The following SLC7A9 variants were observed in gnomAD, a reference collection of about 807,000 sequenced individuals.
The protein encoded by SLC7A9 is B(0,+)-type amino acid transporter 1.
A neutral mutation model predicts 54.1 loss-of-function variants in SLC7A9; 38 were observed. That is an observed-to-expected ratio of 0.70 (90% confidence interval 0.54 to 0.92). The LOEUF (loss-of-function observed/expected upper bound fraction) is 0.92, where lower values mean the gene tolerates loss of function less well. Ranked by LOEUF, SLC7A9 falls within the 40% of genes least tolerant of loss-of-function variation. The pLI is 0.00. For synonymous variants in SLC7A9, 264 were observed against 258.9 expected (o/e 1.02, Z -0.19); for missense variants, 537 against 636.1 (o/e 0.84, Z 1.68).
chr19:32,856,477 A>G (rs1029573366), intron 9 of SLC7A9, among the ~76,000 whole-genome samples: 2 of 152,238 alleles, frequency 1.3e-5, no homozygotes, highest in African/African-American at 4.8e-5. Flanking sequence ...TACAGGCGTG[A>G]GCCACCATGC....
intron 9 of SLC7A9, among the ~76,000 whole-genome samples, chr19:32,852,508 A>T (rs1968498471): frequency 6.6e-6 from 1 of 152,134 alleles, no homozygotes; most frequent in Admixed American, 6.6e-5. Flanking sequence ...ACGAACAAAA[A>T]CCCTAAATCA....
intron 11 of SLC7A9, among the ~76,000 whole-genome samples, chr19:32,838,097 A>C (rs1968016493): frequency 6.6e-6 from 1 of 152,206 alleles, no homozygotes; most frequent in Admixed American, 6.5e-5. Context: ...ACAGAAGCCA[A>C]GCGGCCCTTC....
chr19:32,865,973 A>AC (rs1213593150), intron 2 of SLC7A9, among the ~76,000 whole-genome samples: 7 of 151,704 alleles, frequency 4.6e-5, no homozygotes, highest in African/African-American at 7.3e-5. Context: ...AAAAAAAAAA[A>AC]AACCTGCACA....
chr19:32,852,561 GTAAAATTAGAAGT>G (rs1968500021), intron 9 of SLC7A9, among the ~76,000 whole-genome samples: 1 of 152,084 alleles, frequency 6.6e-6, no homozygotes, highest in Non-Finnish European at 1.5e-5. Flanking sequence ...TTACAGTGCA[GTAAAATTAGAAGT>G]CAATACAAAT....
intron 12 of SLC7A9, among the ~76,000 whole-genome samples, chr19:32,832,598 AAAAAAAG>A (rs1423741297): frequency 1.3e-5 from 2 of 148,526 alleles, no homozygotes; most frequent in Non-Finnish European, 1.5e-5. Flanking sequence ...AAAAAAAAAA[AAAAAAAG>A]AAAGAAAGAA....
intron 9 of SLC7A9, among the ~76,000 whole-genome samples, chr19:32,844,856 TCAAAAAA>T (rs1968235930): frequency 1.3e-4 from 1 of 7,604 alleles, no homozygotes; most frequent in Non-Finnish European, 1.8e-4. Flanking sequence ...AGAATCCATC[TCAAAAAA>T]AAAAAAAAAA....
At chr19:32,858,378 C>G (rs367809709) in intron 9 of SLC7A9, 62 bp downstream of exon 9, 4 of 1,155,580 alleles carry the variant, frequency 3.5e-6, no homozygotes, top group Non-Finnish European at 5.2e-6. Context: ...GTGTCTTCCT[C>G]GGGGGTGATA....
intron 9 of SLC7A9, among the ~76,000 whole-genome samples, chr19:32,844,197 T>C (rs1968214184): frequency 6.6e-6 from 1 of 152,058 alleles, no homozygotes; most frequent in Admixed American, 6.6e-5. Context: ...TCCCAACACC[T>C]TGGGAGGCCA....
intron 9 of SLC7A9, among the ~76,000 whole-genome samples, chr19:32,847,202 T>C (rs1488585534): frequency 6.6e-6 from 1 of 151,794 alleles, no homozygotes; most frequent in East Asian, 1.9e-4. Context: ...CTTTGACGAG[T>C]TGAGAGAAGA....
At position 32,848,814 on chromosome 19, in the gene SLC7A9, C is replaced by T. The variant is rs550653358; in HGVS notation, c.978-4863G>A. 1.4e-4 allele frequency among the ~76,000 whole-genome samples: 21 copies of T among 152,188 alleles called. No individual in the cohort carries two copies. The South Asian group carries it at 1.9e-3, about 14-fold the overall frequency. On this transcript the variant is annotated intron_variant, in intron 9 of 12. Transcript: ENST00000023064. Reference sequence around the variant, plus strand: ...GCACTCCTCAGCAAATGTAAAAGGACAGAAATTATAACAAACTGTCTCTCA... The same window carrying T: ...GCACTCCTCAGCAAATGTAAAAGGATAGAAATTATAACAAACTGTCTCTCA...
chr19:32,863,248 A>T (rs561277031), intron 4 of SLC7A9, among the ~76,000 whole-genome samples: 4 of 152,008 alleles, frequency 2.6e-5, no homozygotes, highest in Non-Finnish European at 5.9e-5. Flanking sequence ...AGTAGCTGGG[A>T]TTACAGGCAT....
At chr19:32,850,813 TA>T (rs1968445562) in intron 9 of SLC7A9, among the ~76,000 whole-genome samples, 1 of 152,192 alleles carries the variant, frequency 6.6e-6, no homozygotes, top group Non-Finnish European at 1.5e-5. Flanking sequence ...ATGGTACTGG[TA>T]CCAAAACAGA....
At chr19:32,852,836 A>G (rs1191683299) in intron 9 of SLC7A9, among the ~76,000 whole-genome samples, 1 of 152,094 alleles carries the variant, frequency 6.6e-6, no homozygotes, top group Non-Finnish European at 1.5e-5. Flanking sequence ...AGGGAATGCT[A>G]AACAGACAAG....
At chr19:32,846,292 AC>A (rs34229278) in intron 9 of SLC7A9, among the ~76,000 whole-genome samples, 70,130 of 151,688 alleles carry the variant, frequency 0.46, 17,273 homozygotes, top group East Asian at 0.72. Context: ...GACAGACGGC[AC>A]CTGGAAAATT....
chr19:32,843,746 A>G (rs545892287), intron 10 of SLC7A9, 109 bp downstream of exon 10: 1 of 762,360 alleles, frequency 1.3e-6, no homozygotes, highest in South Asian at 1.4e-5. Flanking sequence ...TATCTGTTTC[A>G]TAGCAAGGAA....
intron 11 of SLC7A9, among the ~76,000 whole-genome samples, chr19:32,841,937 G>A (rs542847788): frequency 1.3e-5 from 2 of 152,194 alleles, no homozygotes; most frequent in African/African-American, 4.8e-5. Flanking sequence ...GGACCTCTTT[G>A]GTTACAGAGA....
At position 32,858,845 on chromosome 19, in the gene SLC7A9, A is replaced by G. The variant is rs76316637; in HGVS notation, c.874-302T>C. Among the ~76,000 whole-genome samples the G allele has an allele frequency of 0.1, 14,758 of 141,636 alleles. 896 individuals carry two copies. The highest frequency in any genetic ancestry group is 0.21 in the Middle Eastern group (50 of 236). 92.9% of individuals were successfully genotyped at this position (141,636 alleles called of 152,430 possible). ...CTCTTATTGCCCAGGCTGGAGTGCA[A>G]TGTTGCTGTCTCGGCTCACTGCAAC... On this transcript the variant is annotated intron_variant, in intron 8 of 12. Transcript: ENST00000023064.
intron 1 of SLC7A9, among the ~76,000 whole-genome samples, chr19:32,869,015 C>A (rs1303651304): frequency 6.6e-6 from 1 of 150,792 alleles, no homozygotes; most frequent in Admixed American, 6.6e-5. Context: ...TTGAGACCAG[C>A]CTGGCTAACA....
chr19:32,859,872 G>T lies in SLC7A9; in HGVS notation c.842C>A (p.Thr281Asn), dbSNP rs1200303996. 2 of 1,614,030 alleles carry T rather than the reference G, an allele frequency of 1.2e-6. No individual in the cohort carries two copies. The highest frequency in any genetic ancestry group is 1.7e-6 in the Non-Finnish European group (2 of 1,180,006). The change falls in exon 8 of 13, where the codon ACC (threonine) becomes AAC (asparagine). Residue 281 changes from threonine to asparagine, a missense_variant. Physicochemically the swap from Thr to Asn is moderately conservative, Grantham distance 65. Coordinates refer to ENST00000023064, the MANE Select transcript of SLC7A9 (RefSeq NM_014270.5). Reference sequence around the variant, plus strand: ...CACCGCCTGGGACTGCAGGAGTTCGGTGGCAGTCATCACGGTGAAGTAGGA... The same window carrying T: ...CACCGCCTGGGACTGCAGGAGTTCGTTGGCAGTCATCACGGTGAAGTAGGA... Reference protein sequence around the residue: ...NVSYFTVMTATELLQSQAVAV... With the variant: ...NVSYFTVMTANELLQSQAVAV...
Sources: gnomAD v4.1 joint callset for allele counts (sites outside exome capture counted in the v4.1 genomes callset) on GRCh38, gnomAD v4.1.1 for gene constraint, MANE v1.5 for transcripts, NCBI Gene and HGNC (gene_info 2026-07-23, HGNC 2026-07-21) for gene names.